The following ARHGAP29 variants were observed in gnomAD, a reference collection of about 807,000 sequenced individuals.
The protein encoded by ARHGAP29 is rho GTPase-activating protein 29.
In ARHGAP29, 43 loss-of-function variants were observed where a neutral mutation model predicts 122.6. The ratio of observed to expected loss-of-function variants is 0.35; its 90% CI spans 0.27 to 0.45. The LOEUF is 0.45. Among genes scored for constraint, ARHGAP29 ranks in the 20% least tolerant of loss-of-function variants. ARHGAP29 has a pLI of 1.00. For missense variants in ARHGAP29, 1,303 were observed against 1,477.2 expected, an observed-to-expected ratio of 0.88 and a Z score of 1.93; for synonymous variants, 506 against 497.1, an observed-to-expected ratio of 1.02 and a Z score of -0.24.
intron 20 of ARHGAP29, 77 bp from the exon 21 acceptor site, chr1:94,178,244 G>C (rs1557838338): frequency 7.2e-7 from 1 of 1,383,348 alleles, no homozygotes; most frequent in Non-Finnish European, 9.8e-7. Flanking sequence ...ATGGAATAGA[G>C]AGGGTGGAGG....
At chr1:94,238,845 C>A (rs970150254), upstream of ARHGAP29, among the ~76,000 whole-genome samples, 1 of 152,110 alleles carries the variant, frequency 6.6e-6, no homozygotes, top group Admixed American at 6.5e-5. Context: ...AAGAGAAAAA[C>A]TCATTGACAA....
chr1:94,237,389 A>G, intron 1 of ARHGAP29, 26 bp downstream of exon 1: 1 of 985,126 alleles, frequency 1.0e-6, no homozygotes, highest in Non-Finnish European at 1.2e-6. Flanking sequence ...CCGCGGCCGG[A>G]GCAAGCGCCA....
At chr1:94,263,092 A>G (rs1461703619) in intron 1 of ARHGAP29, among the ~76,000 whole-genome samples, 1 of 152,232 alleles carries the variant, frequency 6.6e-6, no homozygotes, top group African/African-American at 2.4e-5. Flanking sequence ...TGTCCTTTGC[A>G]GGAACATGGA....
chr1:94,284,979 C>T, the ARHGAP29 span, among the ~76,000 whole-genome samples: 1 of 152,218 alleles, frequency 6.6e-6, no homozygotes, highest in Non-Finnish European at 1.5e-5. Flanking sequence ...TCTTTTTACA[C>T]TGAACATCTG....
intron 1 of ARHGAP29, among the ~76,000 whole-genome samples, chr1:94,255,955 T>G (rs780176720): frequency 1.2e-4 from 19 of 152,256 alleles, no homozygotes; most frequent in Non-Finnish European, 4.4e-5. Flanking sequence ...ACTTTTCTAT[T>G]CTTTTTTGGT....
At chr1:94,274,248 C>T (rs911600356) in intron 1 of ARHGAP29, among the ~76,000 whole-genome samples, 2 of 152,082 alleles carry the variant, frequency 1.3e-5, no homozygotes, top group Admixed American at 6.6e-5. Flanking sequence ...GTTGTCGTAT[C>T]GTGAAAGCAG....
chr1:94,246,394 C>T (rs2100685540), intron 1 of ARHGAP29, among the ~76,000 whole-genome samples: 1 of 152,262 alleles, frequency 6.6e-6, no homozygotes, highest in Admixed American at 6.5e-5. Flanking sequence ...CTCTCCCAAA[C>T]TGAATGAGGA....
At chr1:94,188,678 C>T (rs1008786552) in intron 15 of ARHGAP29, among the ~76,000 whole-genome samples, 159 bp downstream of exon 15, 3 of 151,828 alleles carry the variant, frequency 2.0e-5, no homozygotes, top group African/African-American at 7.3e-5. Flanking sequence ...GCCTGGGTGG[C>T]GAATATATGA....
Position 94,174,683 on chromosome 1 carries a change from G to A in ARHGAP29, c.2972C>T (p.Thr991Ile), listed in dbSNP as rs754594688. 1.2e-6 allele frequency: 2 copies of A among 1,613,976 alleles called. No individual in the cohort carries two copies. The highest frequency in any genetic ancestry group is 1.3e-5 in the African/African-American group (1 of 74,918). The change falls in exon 23 of 23, where the codon ACC (threonine) becomes ATC (isoleucine). Residue 991 changes from threonine (T) to isoleucine (I), a missense_variant. This residue lies in a region of ARHGAP29 where 620 missense variants were observed against 651.2 expected (regional missense o/e 0.95). Transcript: ENST00000260526. ...SASQKIEDGK[T>I]PKPLSLKSDR... ...AGATTTCAGAGAAAGTGGCTTAGGGGTTTTACCATCTTCTATCTTTTGGGA... is the reference window on the plus strand; with the variant it reads ...AGATTTCAGAGAAAGTGGCTTAGGGATTTTACCATCTTCTATCTTTTGGGA...
At chr1:94,288,114 C>T in the ARHGAP29 span, among the ~76,000 whole-genome samples, 1 of 152,206 alleles carries the variant, frequency 6.6e-6, no homozygotes, top group Non-Finnish European at 1.5e-5. Flanking sequence ...CTCCCACCAA[C>T]AGTGTAAAAG....
rs777389940 is a variant in ARHGAP29, at chr1:94,174,018, A to C, written c.3637T>G (p.Ser1213Ala). The C allele has an allele frequency of 4.2e-5, 68 of 1,614,076 alleles. 2 individuals are homozygous for C. The South Asian group carries it at 4.6e-4, about 11-fold the overall frequency. The part of the protein sequence containing the change: ...VKSMPDPDKA[S>A]ACPGQATGQP... ...CCAGTTGCTTGCCCAGGACAAGCTG[A>C]TGCTTTGTCTGGGTCTGGCATTGAC... The change falls in exon 23 of 23, where the codon TCA becomes GCA. Residue 1213 changes from serine (S) to alanine (A), a missense_variant. Coordinates refer to ENST00000260526, the MANE Select transcript of ARHGAP29 (RefSeq NM_004815.4).
At chr1:94,302,462 AT>A in the ARHGAP29 span, 1 of 357,870 alleles carries the variant, frequency 2.8e-6, no homozygotes, top group East Asian at 8.1e-5. Context: ...ATCATCAGCA[AT>A]GCCTCCTGCA....
At chr1:94,259,114 G>A (rs1315796048) in intron 1 of ARHGAP29, among the ~76,000 whole-genome samples, 1 of 152,152 alleles carries the variant, frequency 6.6e-6, no homozygotes, top group African/African-American at 2.4e-5. Context: ...ACAAGGGTGG[G>A]TGGGGACAGG....
rs1648945499 is a variant in ARHGAP29 at position 94,174,302 on chromosome 1, G to C, written c.3353C>G (p.Ser1118Cys). 1.2e-6 allele frequency: 2 copies of C among 1,614,190 alleles called. No homozygotes were observed. Among genetic ancestry groups the C allele is most frequent in the Non-Finnish European group, 1.7e-6 (2 of 1,180,022 alleles). Residue 1118 changes from serine (S) to cysteine (C), a missense_variant, in exon 23 of 23, where the codon TCT (serine) becomes TGT (cysteine). Coordinates refer to ENST00000260526, the MANE Select transcript of ARHGAP29 (RefSeq NM_004815.4). ...CTTACTGGGTTGAGTGGCATTGATA[G>C]AATGGTCCCCACTAATCTGGAGGCT... ...TTSLQISGDH[S>C]INATQPSKPY...
chr1:94,203,965 A>G lies in ARHGAP29; in HGVS notation c.727T>C (p.Leu243=), dbSNP rs1368698820. 6.2e-7 allele frequency: 1 copy of G among 1,613,906 alleles called. No individual in the cohort carries two copies. The highest frequency in any genetic ancestry group is 2.2e-5 in the East Asian group (1 of 44,836). ...ATGTTAGTTCTAGTTGCCTCTGCCA[A>G]CTTGACCATATTTCTAGTGGACTCC... is the stretch of plus-strand genomic sequence containing the variant. ...ELESTRNMVK[L]AEATRTNIGI... The change falls in exon 8 of 23, where the codon TTG becomes CTG. Residue 243 remains leucine, a synonymous_variant. Transcript: ENST00000260526.
chr1:94,301,565 T>C, the ARHGAP29 span, among the ~76,000 whole-genome samples: 11 of 152,194 alleles, frequency 7.2e-5, no homozygotes, highest in Non-Finnish European at 1.5e-4. Context: ...TCTGATTTCT[T>C]GACCTGGGCA....
rs1373750987 is a variant in ARHGAP29, at chr1:94,202,971, C to G, written c.901G>C (p.Glu301Gln). The stretch of plus-strand genomic sequence containing the variant: ...TCTTTTATTTCTTTCCTTTGTTTTT[C>G]CATTTCATTTTTCCTTCCAAGTAGA... ...QPLLGRKNEM[E>Q]KQRKEIKELW... Residue 301 changes from glutamate (E) to glutamine (Q), a missense_variant, in exon 10 of 23, where the codon GAA (glutamate) becomes CAA (glutamine). Glu to Gln is a conservative substitution (Grantham distance 29). Transcript: ENST00000260526. The G allele has an allele frequency of 6.2e-7, 1 of 1,608,488 alleles. No individual in the cohort carries two copies. The highest frequency in any genetic ancestry group is 1.1e-5 in the South Asian group (1 of 89,334).
the ARHGAP29 span, among the ~76,000 whole-genome samples, chr1:94,296,821 T>C: frequency 6.6e-6 from 1 of 152,236 alleles, no homozygotes; most frequent in Non-Finnish European, 1.5e-5. Context: ...TGCATATTTC[T>C]GACAAATTGG....
At chr1:94,264,090 G>C (rs754687311) in intron 1 of ARHGAP29, among the ~76,000 whole-genome samples, 1 of 152,102 alleles carries the variant, frequency 6.6e-6, no homozygotes, top group Admixed American at 6.5e-5. Flanking sequence ...ATAACTCTTC[G>C]TACGTAATGC....
Sources: allele counts gnomAD v4.1 joint callset (sites outside exome capture counted in the v4.1 genomes callset), GRCh38; gene constraint gnomAD v4.1.1; regional missense constraint gnomAD v4.1.1; transcripts MANE v1.5; gene names NCBI Gene and HGNC (gene_info 2026-07-23, HGNC 2026-07-21).